NPSR1: variants seen among roughly 807,000 people sequenced by gnomAD.
The protein encoded by NPSR1 is neuropeptide S receptor 1.
A neutral mutation model predicts 46.9 loss-of-function variants in NPSR1; 48 were observed. The observed-to-expected ratio is 1.02, with a 90% CI of 0.81 to 1.30. The LOEUF is 1.30. NPSR1 is among the 50% of genes most tolerant of loss of function. NPSR1 has a pLI of 0.00. For synonymous variants in NPSR1, 176 were observed against 168.1 expected (o/e 1.05, Z -0.36); for missense variants, 450 against 449.5 (o/e 1.00, Z -0.01).
At chr7:34,729,214 A>T (rs1583894782) in intron 2 of NPSR1, among the ~76,000 whole-genome samples, 1 of 152,080 alleles carries the variant, frequency 6.6e-6, no homozygotes, top group East Asian at 1.9e-4. Flanking sequence ...TTGGCCTTGT[A>T]CTTGAGATGG....
chr7:34,852,859 G>C (rs1191655636), downstream of NPSR1, among the ~76,000 whole-genome samples: 1 of 152,140 alleles, frequency 6.6e-6, no homozygotes, highest in Non-Finnish European at 1.5e-5. Flanking sequence ...ATTTAGGAGA[G>C]CCAGAGTAGG....
In NPSR1 at chr7:34,778,403, A is replaced by G. The variant is rs550510933; in HGVS notation, c.281-59A>G. 5.4e-5 allele frequency: 57 copies of G among 1,064,628 alleles called. No individual in the cohort carries two copies. In the East Asian group the frequency reaches 1.4e-3, roughly 26 times the overall value. 65.9% of individuals were successfully genotyped at this position (1,064,628 alleles called of 1,614,324 possible). ...CATTTCTATTGTGGCTTAGCTGCAA[A>G]TTTGAAAAATAAAAATAAAAATAAA... is the stretch of plus-strand genomic sequence containing the variant. On this transcript the variant is annotated intron_variant, in intron 2 of 8. Coordinates refer to ENST00000360581, the MANE Select transcript of NPSR1 (RefSeq NM_207172.2).
At chr7:34,797,568 T>C (rs942557050) in intron 3 of NPSR1, among the ~76,000 whole-genome samples, 1 of 152,064 alleles carries the variant, frequency 6.6e-6, no homozygotes, top group Non-Finnish European at 1.5e-5. Flanking sequence ...AGCACACACA[T>C]ATAACAGAAA....
chr7:34,764,474 T>C (rs899339418), intron 2 of NPSR1, among the ~76,000 whole-genome samples: 1 of 152,212 alleles, frequency 6.6e-6, no homozygotes, highest in African/African-American at 2.4e-5. Context: ...AGTTACAGAA[T>C]TGTCTATGGT....
At chr7:34,676,501 G>A (rs1792322305) in intron 1 of NPSR1, among the ~76,000 whole-genome samples, 1 of 152,102 alleles carries the variant, frequency 6.6e-6, no homozygotes. Context: ...AGATTATCCT[G>A]GGATTTGTGT....
intron 2 of NPSR1, among the ~76,000 whole-genome samples, chr7:34,754,414 G>A (rs1785708982): frequency 2.0e-5 from 3 of 151,848 alleles, no homozygotes; most frequent in African/African-American, 7.3e-5. Flanking sequence ...GAAGTATGAA[G>A]TTCAATCCGG....
chr7:34,797,976 C>A (rs36125961), intron 3 of NPSR1, among the ~76,000 whole-genome samples: 11,269 of 152,038 alleles, frequency 0.074, 508 homozygotes, highest in East Asian at 0.12. Context: ...CTCAGACATA[C>A]AAAAACAGGA....
At chr7:34,717,342 T>G (rs973657297) in intron 2 of NPSR1, among the ~76,000 whole-genome samples, 1 of 152,180 alleles carries the variant, frequency 6.6e-6, no homozygotes, top group African/African-American at 2.4e-5. Context: ...ATGTTGGTCA[T>G]GCTGGTCTCA....
In NPSR1 at chr7:34,848,528, A is replaced by G; in HGVS notation, c.890A>G (p.Asp297Gly). The G allele has an allele frequency of 1.2e-6, 2 of 1,614,134 alleles. No homozygotes were observed. Among genetic ancestry groups the G allele is most frequent in the Non-Finnish European group, 1.7e-6 (2 of 1,180,014 alleles). ...CCATACTTCCTGTTTGACATTTTGG[A>G]CAATTTCAACCTCCTTCCAGACACC... ...WSPYFLFDIL[D>G]NFNLLPDTQE... Residue 297 changes from aspartate (D) to glycine (G), a missense_variant, in exon 8 of 9, where the codon GAC becomes GGC. Asp to Gly is a moderately conservative substitution (Grantham distance 94, BLOSUM62 -1). Coordinates refer to ENST00000360581, the MANE Select transcript of NPSR1 (RefSeq NM_207172.2).
chr7:34,749,700 G>T (rs1173436110), intron 2 of NPSR1, among the ~76,000 whole-genome samples: 3 of 152,192 alleles, frequency 2.0e-5, no homozygotes, highest in African/African-American at 7.2e-5. Flanking sequence ...GCCAATCACA[G>T]CTTGGCCCTG....
At chr7:34,676,016 A>C (rs1197452516) in intron 1 of NPSR1, among the ~76,000 whole-genome samples, 2 of 152,120 alleles carry the variant, frequency 1.3e-5, no homozygotes, top group African/African-American at 4.8e-5. Context: ...CCATCAGCAC[A>C]GTGTGGTGGG....
At chr7:34,825,903 G>A (rs1426651555) in intron 4 of NPSR1, among the ~76,000 whole-genome samples, 1 of 152,168 alleles carries the variant, frequency 6.6e-6, no homozygotes, top group Non-Finnish European at 1.5e-5. Context: ...CAGAAGGGCT[G>A]GTACCTCTGC....
chr7:34,798,262 G>A (rs551513231), intron 3 of NPSR1, among the ~76,000 whole-genome samples: 14 of 152,214 alleles, frequency 9.2e-5, no homozygotes, highest in East Asian at 5.8e-4. Flanking sequence ...GCCCAGGCAC[G>A]GGTGGCCCAT....
At chr7:34,709,595 C>G (rs189915549) in intron 2 of NPSR1, among the ~76,000 whole-genome samples, 50 of 152,290 alleles carry the variant, frequency 3.3e-4, no homozygotes, top group African/African-American at 1.1e-3. Context: ...TTCCTTTACT[C>G]TGCTTCACTT....
intron 1 of NPSR1, among the ~76,000 whole-genome samples, chr7:34,677,867 G>T (rs932711278): frequency 1.3e-5 from 2 of 152,234 alleles, no homozygotes; most frequent in African/African-American, 4.8e-5. Context: ...AGCTAAAGGA[G>T]TGTGGACAGC....
At chr7:34,723,635 T>C (rs1002072802) in intron 2 of NPSR1, among the ~76,000 whole-genome samples, 3 of 152,148 alleles carry the variant, frequency 2.0e-5, no homozygotes, top group Non-Finnish European at 2.9e-5. Context: ...CAAATCTCTA[T>C]TGAAATTCTT....
chr7:34,796,013 C>T (rs979453447), intron 3 of NPSR1, among the ~76,000 whole-genome samples: 2 of 151,980 alleles, frequency 1.3e-5, no homozygotes, highest in African/African-American at 4.8e-5. Flanking sequence ...TACTATAAAG[C>T]TATAGTAATT....
chr7:34,747,623 TACAC>T (rs931582778), intron 2 of NPSR1, among the ~76,000 whole-genome samples: 1 of 109,462 alleles, frequency 9.1e-6, no homozygotes, highest in African/African-American at 3.2e-5. Context: ...CACACACACA[TACAC>T]ACACACACAC....
At chr7:34,666,285 T>G (rs1791747898) in intron 1 of NPSR1, among the ~76,000 whole-genome samples, 1 of 152,196 alleles carries the variant, frequency 6.6e-6, no homozygotes, top group South Asian at 2.1e-4. Context: ...GAGAACAGGT[T>G]TCTGTAACCC....
Sources: gnomAD v4.1 joint callset for allele counts (sites outside exome capture counted in the v4.1 genomes callset) on GRCh38, gnomAD v4.1.1 for gene constraint, MANE v1.5 for transcripts, NCBI Gene and HGNC (gene_info 2026-07-23, HGNC 2026-07-21) for gene names.